Variants in TBC1D19 observed in about 807,000 individuals in gnomAD.
The protein encoded by TBC1D19 is TBC1 domain family member 19, also known as TBC1 domain family, member 19.
A neutral mutation model predicts 89.0 loss-of-function variants in TBC1D19; 60 were observed. The observed-to-expected ratio is 0.67, with a 90% confidence interval of 0.55 to 0.84. The LOEUF (loss-of-function observed/expected upper bound fraction) is 0.84. Ranked by LOEUF, TBC1D19 falls within the 40% of genes least tolerant of loss-of-function variation. The pLI, the probability that TBC1D19 is intolerant of heterozygous loss-of-function variation, is 0.00. For synonymous variants in TBC1D19, 189 were observed against 199.7 expected, an observed-to-expected ratio of 0.95 and a Z score of 0.45; for missense variants, 500 against 610.8, an observed-to-expected ratio of 0.82 and a Z score of 1.91.
chr4:26,777,747 C>T, the TBC1D19 span, among the ~76,000 whole-genome samples: 1 of 152,100 alleles, frequency 6.6e-6, no homozygotes, highest in African/African-American at 2.4e-5. Context: ...ATGCTCTTGG[C>T]CTCTTACCCC....
At chr4:26,663,646 C>T (rs1319847133) in intron 8 of TBC1D19, among the ~76,000 whole-genome samples, 3 of 152,172 alleles carry the variant, frequency 2.0e-5, no homozygotes, top group Non-Finnish European at 2.9e-5. Context: ...AGCTAATTTT[C>T]AAGAAATTGT....
At chr4:26,855,250 G>C in the TBC1D19 span, among the ~76,000 whole-genome samples, 5 of 152,120 alleles carry the variant, frequency 3.3e-5, no homozygotes, top group Non-Finnish European at 5.9e-5. Flanking sequence ...GTCACTTTAG[G>C]CATATGGCCC....
chr4:26,773,005 G>A, the TBC1D19 span, among the ~76,000 whole-genome samples: 2 of 152,170 alleles, frequency 1.3e-5, no homozygotes, highest in Admixed American at 6.5e-5. Context: ...TAGGTCAAAT[G>A]TTATCTCTGT....
intron 7 of TBC1D19, among the ~76,000 whole-genome samples, chr4:26,650,534 T>G (rs1217135229): frequency 6.6e-6 from 1 of 151,822 alleles, no homozygotes; most frequent in Admixed American, 6.6e-5. Context: ...TCTGTTCATA[T>G]CCTTCGCCCA....
At chr4:26,662,401 T>C (rs12510995) in intron 8 of TBC1D19, among the ~76,000 whole-genome samples, 69,321 of 151,866 alleles carry the variant, frequency 0.46, 17,582 homozygotes, top group Admixed American at 0.6. Context: ...TATCAGAAGA[T>C]GAAGCAAAAA....
intron 13 of TBC1D19, among the ~76,000 whole-genome samples, chr4:26,707,943 A>C (rs1420369208): frequency 6.6e-6 from 1 of 152,114 alleles, no homozygotes; most frequent in South Asian, 2.1e-4. Flanking sequence ...GTTGCAATCC[A>C]AAGTTACAAT....
At chr4:26,773,401 C>T in the TBC1D19 span, among the ~76,000 whole-genome samples, 1 of 152,146 alleles carries the variant, frequency 6.6e-6, no homozygotes, top group African/African-American at 2.4e-5. Flanking sequence ...AAAATGTTCT[C>T]CCAATCTGTA....
At chr4:26,778,821 T>G in the TBC1D19 span, among the ~76,000 whole-genome samples, 1 of 152,182 alleles carries the variant, frequency 6.6e-6, no homozygotes, top group Non-Finnish European at 1.5e-5. Flanking sequence ...CCATTACAAT[T>G]TAAGAAACAC....
intron 4 of TBC1D19, among the ~76,000 whole-genome samples, chr4:26,627,202 C>G (rs1742475080): frequency 6.6e-6 from 1 of 151,530 alleles, no homozygotes; most frequent in Admixed American, 6.6e-5. Context: ...ATCCATGTCC[C>G]TACAAAGGAC....
In TBC1D19 at chr4:26,750,753, G is replaced by A. The variant is rs370469162; in HGVS notation, c.1435+2227G>A. On this transcript the variant is annotated intron_variant, in intron 19 of 20. Transcript: ENST00000264866. Reference sequence around the variant, plus strand: ...CATCTAGAAATGGAACTAGACTGAAGGAAGCTCCCCTACCATGGAATTCAG... The same window carrying A: ...CATCTAGAAATGGAACTAGACTGAAAGAAGCTCCCCTACCATGGAATTCAG... Among the ~76,000 whole-genome samples, 46 of 152,246 alleles carry A rather than the reference G, an allele frequency of 3.0e-4. No individual in the cohort carries two copies. The East Asian group carries it at 7.9e-3, about 26-fold the overall frequency.
intron 7 of TBC1D19, among the ~76,000 whole-genome samples, chr4:26,650,302 T>C: frequency 6.6e-6 from 1 of 152,156 alleles, no homozygotes; most frequent in Non-Finnish European, 1.5e-5. Context: ...ACTTCCACAA[T>C]GGTTGAACTA....
intron 14 of TBC1D19, among the ~76,000 whole-genome samples, chr4:26,718,804 GA>G: frequency 6.6e-6 from 1 of 152,148 alleles, no homozygotes; most frequent in East Asian, 1.9e-4. Flanking sequence ...GTCTTCTGCT[GA>G]AAAACTGATT....
intron 6 of TBC1D19, 119 bp from the exon 7 acceptor site, chr4:26,640,022 C>T (rs1743392910): frequency 7.0e-6 from 5 of 711,770 alleles, no homozygotes; most frequent in Non-Finnish European, 1.2e-5. Context: ...TATGCATTCT[C>T]AAGAAATGTT....
the TBC1D19 span, among the ~76,000 whole-genome samples, chr4:26,845,194 C>T: frequency 6.6e-6 from 1 of 152,012 alleles, no homozygotes; most frequent in Non-Finnish European, 1.5e-5. Context: ...TGGGAATGTG[C>T]CATCATTTAT....
At chr4:26,696,928 C>T (rs1315227971) in intron 13 of TBC1D19, among the ~76,000 whole-genome samples, 2 of 152,050 alleles carry the variant, frequency 1.3e-5, no homozygotes, top group Non-Finnish European at 1.5e-5. Context: ...AATTGACACC[C>T]TAACATCACA....
intron 4 of TBC1D19, among the ~76,000 whole-genome samples, chr4:26,630,896 TAG>T (rs1742766517): frequency 6.6e-6 from 1 of 152,004 alleles, no homozygotes; most frequent in Non-Finnish European, 1.5e-5. Flanking sequence ...TAATTAAGAT[TAG>T]AGTTCTTGAG....
chr4:26,750,779 A>T (rs1240328334), intron 19 of TBC1D19, among the ~76,000 whole-genome samples: 1 of 152,232 alleles, frequency 6.6e-6, no homozygotes, highest in African/African-American at 2.4e-5. Flanking sequence ...TGGAATTCAG[A>T]TAAAGAATCA....
the TBC1D19 span, chr4:26,858,909 T>G: frequency 6.6e-6 from 1 of 152,174 alleles, no homozygotes; most frequent in Non-Finnish European, 1.5e-5. Context: ...AAATCATCTT[T>G]GTTTAAAGAA....
At chr4:26,742,896 A>G (rs1292233398) in intron 18 of TBC1D19, among the ~76,000 whole-genome samples, 1 of 152,150 alleles carries the variant, frequency 6.6e-6, no homozygotes, top group East Asian at 1.9e-4. Flanking sequence ...ACTGAAGCAA[A>G]CATTTGTGGA....
Sources: allele counts gnomAD v4.1 joint callset (sites outside exome capture counted in the v4.1 genomes callset), GRCh38; gene constraint gnomAD v4.1.1; transcripts MANE v1.5; gene names NCBI Gene and HGNC (gene_info 2026-07-23, HGNC 2026-07-21).